The following ANKS1B variants were observed in gnomAD, a reference collection of about 807,000 sequenced individuals.
ANKS1B encodes the protein ankyrin repeat and sterile alpha motif domain-containing protein 1B.
Under a neutral mutation model 148.3 loss-of-function variants are expected in ANKS1B, and 36 were observed. The ratio of observed to expected loss-of-function variants is 0.24; its 90% CI spans 0.19 to 0.32. The LOEUF is 0.32. ANKS1B is among the 10% of genes least tolerant of loss of function. ANKS1B has a pLI of 1.00. For synonymous variants in ANKS1B, 542 were observed against 560.8 expected (o/e 0.97, Z 0.47); for missense variants, 1,157 against 1,542.6 (o/e 0.75, Z 4.19).
chr12:99,339,723 T>C (rs1414986484), intron 12 of ANKS1B, among the ~76,000 whole-genome samples: 2 of 152,208 alleles, frequency 1.3e-5, no homozygotes, highest in East Asian at 1.9e-4. Flanking sequence ...GATTTCCTTA[T>C]GTATTTTTGA....
At chr12:98,978,675 C>T (rs535937435) in intron 17 of ANKS1B, among the ~76,000 whole-genome samples, 37 of 151,900 alleles carry the variant, frequency 2.4e-4, no homozygotes, top group African/African-American at 8.9e-4. Context: ...AAATAATATA[C>T]CAATTAATGT....
chr12:99,870,457 T>TTG (rs1201193718), intron 1 of ANKS1B, among the ~76,000 whole-genome samples: 1 of 152,216 alleles, frequency 6.6e-6, no homozygotes, highest in East Asian at 1.9e-4. Flanking sequence ...ATAGACCCAG[T>TTG]AATGTGATTG....
At chr12:98,946,966 AAGT>A (rs1419995181) in intron 17 of ANKS1B, among the ~76,000 whole-genome samples, 4 of 148,490 alleles carry the variant, frequency 2.7e-5, no homozygotes, top group Non-Finnish European at 6.0e-5. Flanking sequence ...AAAAAAAAAA[AAGT>A]GTGTTTTGAG....
rs528950820 is a variant in ANKS1B, at chr12:99,098,284, A to G, written c.2527-13261T>C. Among the ~76,000 whole-genome samples the G allele has an allele frequency of 1.8e-4, 28 of 152,272 alleles. No homozygotes were observed. The South Asian group carries it at 5.8e-3, about 32-fold the overall frequency. On this transcript the variant is annotated intron_variant, in intron 15 of 26. Coordinates refer to ENST00000683438, the MANE Select transcript of ANKS1B (RefSeq NM_001352186.2). ...CCACTGGCTTCCCATAGCTTTGACA[A>G]GTGTCTTCTGCATGGAATTGCCTCA...
chr12:99,179,967 C>A (rs1048600019), intron 14 of ANKS1B, among the ~76,000 whole-genome samples: 13 of 152,192 alleles, frequency 8.5e-5, no homozygotes, highest in African/African-American at 2.7e-4. Flanking sequence ...CTGTAACATT[C>A]ATTTCTATGA....
chr12:98,915,142 G>T (rs1453117548), intron 17 of ANKS1B, among the ~76,000 whole-genome samples: 1 of 152,026 alleles, frequency 6.6e-6, no homozygotes, highest in Non-Finnish European at 1.5e-5. Context: ...TTAAGATGAG[G>T]TCACACTGGA....
In ANKS1B at chr12:99,397,453, G is replaced by A. The variant is rs189973210; in HGVS notation, c.1756+2178C>T. Among the ~76,000 whole-genome samples, 5 of 152,142 alleles carry A rather than the reference G, an allele frequency of 3.3e-5. No homozygotes were observed. In the East Asian group the frequency reaches 5.8e-4, roughly 18 times the overall value. On this transcript the variant is annotated intron_variant, in intron 12 of 26. Transcript: ENST00000683438. Reference sequence around the variant, plus strand: ...ATTGCAGCTTACATTCTAGAAAGACGACAAGAAATAAGTAAAGAAGTAACC... The same window carrying A: ...ATTGCAGCTTACATTCTAGAAAGACAACAAGAAATAAGTAAAGAAGTAACC...
intron 17 of ANKS1B, among the ~76,000 whole-genome samples, chr12:98,927,359 G>C (rs904743661): frequency 6.6e-6 from 1 of 152,026 alleles, no homozygotes; most frequent in African/African-American, 2.4e-5. Flanking sequence ...GAAACCTTCC[G>C]GGGGAAATGA....
intron 9 of ANKS1B, among the ~76,000 whole-genome samples, chr12:99,558,270 C>A (rs1409297779): frequency 1.3e-5 from 2 of 152,070 alleles, no homozygotes; most frequent in Non-Finnish European, 2.9e-5. Flanking sequence ...ATGGGGTTGT[C>A]AGAGTCCATG....
chr12:99,971,354 C>A (rs189562884), intron 1 of ANKS1B, among the ~76,000 whole-genome samples: 255 of 152,262 alleles, frequency 1.7e-3, no homozygotes, highest in Non-Finnish European at 2.7e-3. Context: ...TTTACCCAGC[C>A]AAAGAACATC....
At chr12:99,854,227 T>C (rs1447275467) in intron 1 of ANKS1B, among the ~76,000 whole-genome samples, 1 of 152,176 alleles carries the variant, frequency 6.6e-6, no homozygotes, top group Admixed American at 6.5e-5. Flanking sequence ...TTAGCCAGGA[T>C]GGCCTCGATC....
At chr12:99,406,049 C>A (rs1442436215) in intron 11 of ANKS1B, among the ~76,000 whole-genome samples, 1 of 145,156 alleles carries the variant, frequency 6.9e-6, no homozygotes, top group African/African-American at 2.6e-5. Flanking sequence ...TAAAGAGAGA[C>A]ATAAACCCCA....
At chr12:98,837,210 G>A (rs1222587181) in intron 17 of ANKS1B, among the ~76,000 whole-genome samples, 1 of 151,662 alleles carries the variant, frequency 6.6e-6, no homozygotes, top group East Asian at 1.9e-4. Flanking sequence ...GGTGGCGCAC[G>A]CCTGTAGTCC....
At chr12:99,112,085 G>C (rs1600239939) in intron 15 of ANKS1B, among the ~76,000 whole-genome samples, 1 of 152,026 alleles carries the variant, frequency 6.6e-6, no homozygotes, top group East Asian at 1.9e-4. Flanking sequence ...CATTAGGCAG[G>C]ACAGATATAA....
chr12:99,606,784 T>A (rs578061484), intron 9 of ANKS1B, among the ~76,000 whole-genome samples: 1 of 152,258 alleles, frequency 6.6e-6, no homozygotes, highest in East Asian at 1.9e-4. Flanking sequence ...TTAACAGTTA[T>A]GTTTAAATTG....
rs558790553 is a variant in ANKS1B at position 99,869,667 on chromosome 12, G to A, written c.135-44278C>T. ...TTGCACTCCAGCCTGGGCAACAAGAGTGAAACTTTGTCTCAAAAAAAAAAA... is the reference window on the plus strand; with the variant it reads ...TTGCACTCCAGCCTGGGCAACAAGAATGAAACTTTGTCTCAAAAAAAAAAA... On this transcript the variant is annotated intron_variant, in intron 1 of 26. Coordinates refer to ENST00000683438, the MANE Select transcript of ANKS1B (RefSeq NM_001352186.2). Among the ~76,000 whole-genome samples, 39 of 147,584 alleles carry A rather than the reference G, an allele frequency of 2.6e-4. No homozygotes were observed. In the South Asian group the frequency reaches 8.2e-3, roughly 31 times the overall value.
At chr12:99,212,083 T>C (rs560717391) in intron 14 of ANKS1B, among the ~76,000 whole-genome samples, 1 of 152,304 alleles carries the variant, frequency 6.6e-6, no homozygotes, top group African/African-American at 2.4e-5. Context: ...TGCATACTGA[T>C]TTTGTCTAAT....
chr12:99,578,296 G>A (rs990444660), intron 9 of ANKS1B, among the ~76,000 whole-genome samples: 5 of 151,912 alleles, frequency 3.3e-5, no homozygotes, highest in African/African-American at 9.7e-5. Context: ...CATTCCCCAT[G>A]AGAAATGACT....
intron 8 of ANKS1B, among the ~76,000 whole-genome samples, chr12:99,670,066 A>T (rs1409744924): frequency 6.6e-6 from 1 of 150,964 alleles, no homozygotes; most frequent in East Asian, 2.0e-4. Flanking sequence ...ACCTCATGGA[A>T]GTTTGACAAA....
Sources: allele counts gnomAD v4.1 joint callset (sites outside exome capture counted in the v4.1 genomes callset), GRCh38; gene constraint gnomAD v4.1.1; transcripts MANE v1.5; gene names NCBI Gene and HGNC (gene_info 2026-07-23, HGNC 2026-07-21).